Variants in CCDC33 observed in about 807,000 individuals in gnomAD.
The protein encoded by CCDC33 is coiled-coil domain-containing protein 33.
CCDC33 carries 94 observed loss-of-function variants against 91.9 expected under a neutral mutation model. The ratio of observed to expected loss-of-function variants is 1.02; its 90% CI spans 0.87 to 1.21. CCDC33 has a LOEUF of 1.21. Ranked by LOEUF, CCDC33 falls within the 50% of genes most tolerant of loss-of-function variation. CCDC33 has a pLI of 0.00. For synonymous variants in CCDC33, 396 were observed against 374.5 expected (o/e 1.06, Z -0.66); for missense variants, 940 against 935.5 (o/e 1.00, Z -0.06).
chr15:74,320,605 G>T (rs1567031924), intron 11 of CCDC33, among the ~76,000 whole-genome samples: 1 of 152,158 alleles, frequency 6.6e-6, no homozygotes, highest in African/African-American at 2.4e-5. Flanking sequence ...TGGGGTTTGG[G>T]AAGCTGGGGC....
chr15:74,331,544 C>T (rs1218589346), intron 15 of CCDC33, among the ~76,000 whole-genome samples: 1 of 152,300 alleles, frequency 6.6e-6, no homozygotes, highest in East Asian at 1.9e-4. Context: ...CAGTGTGAGC[C>T]AGGCTAGAAA....
rs543382566 is a variant in CCDC33 at position 74,268,175 on chromosome 15, T to C, written c.430-167T>C. ...AATGGAAAAGGGAAGATTTATTATA[T>C]TGATCTCCTTGGAAGGGCTCACAGG... On this transcript the variant is annotated intron_variant, in intron 4 of 18. Transcript: ENST00000398814. Among the ~76,000 whole-genome samples the C allele has an allele frequency of 3.3e-5, 5 of 152,342 alleles. No homozygotes were observed. In the South Asian group the frequency reaches 1.0e-3, roughly 32 times the overall value.
At chr15:74,238,321 T>C (rs965394977) in intron 1 of CCDC33, among the ~76,000 whole-genome samples, 3 of 151,402 alleles carry the variant, frequency 2.0e-5, no homozygotes, top group African/African-American at 7.3e-5. Flanking sequence ...GACAGGAGAA[T>C]TGCTTGAACC....
chr15:74,281,234 G>A, intron 9 of CCDC33, among the ~76,000 whole-genome samples: 1 of 152,242 alleles, frequency 6.6e-6, no homozygotes, highest in Non-Finnish European at 1.5e-5. Flanking sequence ...AGAGAGTTCA[G>A]AGCTCAGGCT....
Position 74,218,600 on chromosome 15 carries a change from C to T in CCDC33, c.414C>T (p.Ile138=), listed in dbSNP as rs1264635199. ...CAGCCCAGCGGGTGGGTGAGGCCATCTTCCCCATCTACCCGAGGCCAGACC... is the reference window on the plus strand; with the variant it reads ...CAGCCCAGCGGGTGGGTGAGGCCATTTTCCCCATCTACCCGAGGCCAGACC... Residue 138 remains isoleucine, a synonymous_variant, in exon 2 of 3, where the codon ATC becomes ATT. Coordinates refer to the CCDC33 transcript ENST00000635913. The surrounding 1 kb of genome is among the most constrained non-coding windows in gnomAD (Gnocchi z 4.8). 1 of 1,289,754 alleles carries T rather than the reference C, an allele frequency of 7.8e-7. No individual in the cohort carries two copies. The highest frequency in any genetic ancestry group is 1.0e-6 in the Non-Finnish European group (1 of 988,890). The allele number at this position is 1,289,754 out of a possible 1,614,324, so 79.9% of individuals were successfully genotyped here.
chr15:74,228,923 G>A (rs866903662), intron 2 of CCDC33, among the ~76,000 whole-genome samples: 3 of 152,138 alleles, frequency 2.0e-5, no homozygotes, highest in African/African-American at 4.8e-5. Flanking sequence ...GAAGGGTGGC[G>A]GGCGCTGAGC....
intron 11 of CCDC33, among the ~76,000 whole-genome samples, chr15:74,317,141 C>T (rs149870927): frequency 5.0e-4 from 76 of 152,190 alleles, no homozygotes; most frequent in South Asian, 2.9e-3. Context: ...AGGTGGATCA[C>T]GAGGTCAGGA....
chr15:74,252,086 G>A (rs1308603645), intron 2 of CCDC33, among the ~76,000 whole-genome samples: 1 of 152,158 alleles, frequency 6.6e-6, no homozygotes. Context: ...ACCCAAAGGA[G>A]GATGCAGGAT....
At chr15:74,275,863 T>TCAAC (rs2076436093) in intron 7 of CCDC33, among the ~76,000 whole-genome samples, 1 of 152,166 alleles carries the variant, frequency 6.6e-6, no homozygotes, top group Non-Finnish European at 1.5e-5. Context: ...GAGATAGGGT[T>TCAAC]CAACCATGTT....
intron 10 of CCDC33, among the ~76,000 whole-genome samples, chr15:74,284,229 C>A (rs1333429855): frequency 6.6e-6 from 1 of 152,160 alleles, no homozygotes; most frequent in Non-Finnish European, 1.5e-5. Flanking sequence ...GCATGCAAGG[C>A]AAGAAGTAGA....
rs531098020 is a variant in CCDC33 at position 74,269,704 on chromosome 15, C to T, written c.546+1246C>T. Among the ~76,000 whole-genome samples, 95 of 144,688 alleles carry T rather than the reference C, an allele frequency of 6.6e-4. 1 individual carries two copies. Among genetic ancestry groups the T allele is most frequent in the Non-Finnish European group, 9.5e-4 (63 of 66,398 alleles). The allele number at this position is 144,688 out of a possible 152,430, so 94.9% of individuals were successfully genotyped here. ...CAGCCCTCTGACTTGCCTGGTAGAG[C>T]GGTAGAGTAGGGGCCTTCTCTGGCT... On this transcript the variant is annotated intron_variant, in intron 5 of 18. Transcript: ENST00000398814.
rs559531056 is a variant in CCDC33 at position 74,269,583 on chromosome 15, C to A, written c.546+1125C>A. ...ACAAGGAAGAGGGGCAACAGCCTGG[C>A]CTTGCTGTCCCCAGGCCGCACCCCA... On this transcript the variant is annotated intron_variant, in intron 5 of 18. Transcript: ENST00000398814. 1.9e-3 allele frequency among the ~76,000 whole-genome samples: 289 copies of A among 152,364 alleles called. 4 individuals carry two copies. The highest frequency in any genetic ancestry group is 6.3e-4 in the Non-Finnish European group (43 of 68,034).
At chr15:74,314,781 G>A (rs1331125462) in intron 11 of CCDC33, among the ~76,000 whole-genome samples, 2 of 152,206 alleles carry the variant, frequency 1.3e-5, no homozygotes, top group Non-Finnish European at 2.9e-5. Context: ...AAATGGAAAT[G>A]GAGGGCTGTG....
chr15:74,240,337 G>C (rs1216928251), intron 1 of CCDC33, among the ~76,000 whole-genome samples: 3 of 152,220 alleles, frequency 2.0e-5, no homozygotes, highest in Non-Finnish European at 4.4e-5. Context: ...GCCAATGAGA[G>C]CCCCTGGACA....
intron 15 of CCDC33, among the ~76,000 whole-genome samples, chr15:74,331,529 G>A (rs2060438975): frequency 6.6e-6 from 1 of 152,154 alleles, no homozygotes; most frequent in Admixed American, 6.5e-5. Flanking sequence ...AACACAATTG[G>A]GATGCAGTGT....
rs758922892 is a variant in CCDC33 at position 74,330,240 on chromosome 15, T to G, written c.1342T>G (p.Ser448Ala). ...GCAGAAGATGGCAGAGGACATCCTG[T>G]CTCTGCGGAGACAGGCCAGCATCCT... ...AMQKMAEDIL[S>A]LRRQASILEG... Residue 448 changes from serine to alanine, a missense_variant, in exon 12 of 19, where the codon TCT (serine) becomes GCT (alanine). Coordinates refer to ENST00000398814, the MANE Select transcript of CCDC33 (RefSeq NM_025055.5). 2 of 1,612,718 alleles carry G rather than the reference T, an allele frequency of 1.2e-6. No individual in the cohort carries two copies. Among genetic ancestry groups the G allele is most frequent in the South Asian group, 2.2e-5 (2 of 91,012 alleles).
At chr15:74,288,967 C>T (rs1157325367) in intron 10 of CCDC33, among the ~76,000 whole-genome samples, 1 of 152,212 alleles carries the variant, frequency 6.6e-6, no homozygotes, top group Non-Finnish European at 1.5e-5. Context: ...TAACCTAGCA[C>T]AGTGTCCTGC....
At chr15:74,277,710 C>T (rs1187589733) in intron 7 of CCDC33, among the ~76,000 whole-genome samples, 3 of 152,168 alleles carry the variant, frequency 2.0e-5, no homozygotes, top group Non-Finnish European at 4.4e-5. Flanking sequence ...ACCCTCCCTC[C>T]CCAGTCCTAG....
chr15:74,304,153 T>C (rs2279378), intron 11 of CCDC33: 70,982 of 152,080 alleles, frequency 0.47, 19,406 homozygotes, highest in Non-Finnish European at 0.62. Flanking sequence ...TCTGCTCCTG[T>C]CTCCTCATTG....
Sources: allele counts gnomAD v4.1 joint callset (sites outside exome capture counted in the v4.1 genomes callset), GRCh38; gene constraint gnomAD v4.1.1; non-coding constraint Gnocchi (gnomAD v3.1); transcripts MANE v1.5; gene names NCBI Gene and HGNC (gene_info 2026-07-23, HGNC 2026-07-21).